NELL1: variants seen among roughly 807,000 people sequenced by gnomAD.
NELL1 encodes protein kinase C-binding protein NELL1.
A neutral mutation model predicts 107.4 loss-of-function variants in NELL1; 76 were observed. The observed-to-expected ratio is 0.71, with a 90% confidence interval of 0.59 to 0.86. NELL1 has a LOEUF of 0.86. Among genes scored for constraint, NELL1 ranks in the 40% least tolerant of loss-of-function variants. The pLI, the probability that NELL1 is intolerant of heterozygous loss-of-function variation, is 0.00. For missense variants in NELL1, 1,024 were observed against 1,005.5 expected, an observed-to-expected ratio of 1.02 and a Z score of -0.25; for synonymous variants, 353 against 341.2, an observed-to-expected ratio of 1.03 and a Z score of -0.38.
intron 12 of NELL1, among the ~76,000 whole-genome samples, chr11:20,997,652 T>C (rs56759702): frequency 2.0e-5 from 3 of 152,198 alleles, no homozygotes; most frequent in Non-Finnish European, 4.4e-5. Context: ...TACAACTTTT[T>C]TGTGTGTGTA....
At chr11:21,331,224 T>C (rs545984789) in intron 14 of NELL1, among the ~76,000 whole-genome samples, 1 of 152,210 alleles carries the variant, frequency 6.6e-6, no homozygotes, top group Non-Finnish European at 1.5e-5. Context: ...CACCTCTTGT[T>C]GTCTGCTTTT....
At chr11:21,033,995 T>C (rs1853026965) in intron 12 of NELL1, among the ~76,000 whole-genome samples, 1 of 152,184 alleles carries the variant, frequency 6.6e-6, no homozygotes, top group Non-Finnish European at 1.5e-5. Flanking sequence ...TGATCAGTGA[T>C]GTTGAGCACT....
chr11:21,482,312 G>T (rs1854513090), intron 15 of NELL1, among the ~76,000 whole-genome samples: 1 of 151,998 alleles, frequency 6.6e-6, no homozygotes, highest in African/African-American at 2.4e-5. Context: ...AAAAGTTCTG[G>T]GTAGGAGTAT....
intron 14 of NELL1, among the ~76,000 whole-genome samples, chr11:21,259,540 T>C (rs1031624062): frequency 6.6e-6 from 1 of 151,246 alleles, no homozygotes; most frequent in African/African-American, 2.4e-5. Flanking sequence ...ATGAAAAGAG[T>C]TCCAAGAAGA....
At chr11:21,406,372 T>A (rs941787076) in intron 15 of NELL1, among the ~76,000 whole-genome samples, 2 of 151,182 alleles carry the variant, frequency 1.3e-5, no homozygotes, top group African/African-American at 4.9e-5. Context: ...TTATCCCCAA[T>A]TGAGGGATTG....
intron 15 of NELL1, among the ~76,000 whole-genome samples, chr11:21,388,099 T>TA (rs1851788528): frequency 6.6e-6 from 1 of 151,388 alleles, no homozygotes; most frequent in Non-Finnish European, 1.5e-5. Context: ...TTTTCTGGTA[T>TA]GCCATACTGC....
intron 14 of NELL1, among the ~76,000 whole-genome samples, chr11:21,255,752 A>G (rs1002094569): frequency 2.0e-5 from 3 of 151,926 alleles, no homozygotes; most frequent in African/African-American, 7.3e-5. Flanking sequence ...GACATACCCA[A>G]TTCATTCAGG....
intron 15 of NELL1, among the ~76,000 whole-genome samples, chr11:21,445,046 A>G (rs572320495): frequency 6.6e-6 from 1 of 152,354 alleles, no homozygotes; most frequent in African/African-American, 2.4e-5. Flanking sequence ...AAGCAAAAAT[A>G]AAACTAATAA....
intron 2 of NELL1, among the ~76,000 whole-genome samples, chr11:20,731,700 T>G (rs1855648327): frequency 6.6e-6 from 1 of 152,232 alleles, no homozygotes; most frequent in African/African-American, 2.4e-5. Flanking sequence ...CACATCAGTT[T>G]TCTTATCTGT....
intron 15 of NELL1, among the ~76,000 whole-genome samples, chr11:21,470,140 C>A (rs1030089056): frequency 6.6e-6 from 1 of 151,944 alleles, no homozygotes; most frequent in South Asian, 2.1e-4. Context: ...TAGGTATTCT[C>A]AAAGAATTGA....
intron 13 of NELL1, among the ~76,000 whole-genome samples, chr11:21,156,952 A>AT (rs1856252149): frequency 6.6e-6 from 1 of 150,856 alleles, no homozygotes; most frequent in Non-Finnish European, 1.5e-5. Context: ...AAAAAAAAAA[A>AT]TTAGCCAGAT....
intron 15 of NELL1, among the ~76,000 whole-genome samples, chr11:21,530,972 A>C (rs1222813920): frequency 6.6e-6 from 1 of 152,134 alleles, no homozygotes; most frequent in Non-Finnish European, 1.5e-5. Flanking sequence ...TATCCCTAGC[A>C]AGGTAAACCT....
intron 15 of NELL1, among the ~76,000 whole-genome samples, chr11:21,406,980 C>T (rs1852252319): frequency 6.6e-6 from 1 of 152,048 alleles, no homozygotes. Flanking sequence ...CCCTCCTATC[C>T]TTCCTAGCCT....
intron 15 of NELL1, among the ~76,000 whole-genome samples, chr11:21,507,169 A>G (rs974948434): frequency 9.2e-5 from 14 of 152,180 alleles, no homozygotes; most frequent in Admixed American, 9.2e-4. Flanking sequence ...TCAAATCACA[A>G]TGCCTGAGAC....
intron 12 of NELL1, among the ~76,000 whole-genome samples, chr11:21,031,104 A>G (rs1565023766): frequency 2.6e-5 from 4 of 152,324 alleles, no homozygotes; most frequent in South Asian, 4.1e-4. Context: ...TTAATATTCT[A>G]TCATTAGCAT....
intron 14 of NELL1, among the ~76,000 whole-genome samples, chr11:21,369,991 G>C (rs899103891): frequency 2.0e-5 from 3 of 152,050 alleles, no homozygotes; most frequent in African/African-American, 7.2e-5. Context: ...AAACAATTAT[G>C]CTACTTATTC....
intron 5 of NELL1, among the ~76,000 whole-genome samples, chr11:20,888,624 A>T (rs1849557594): frequency 6.6e-6 from 1 of 152,190 alleles, no homozygotes; most frequent in Non-Finnish European, 1.5e-5. Flanking sequence ...CAATGAAATA[A>T]AAGTATATGT....
intron 12 of NELL1, among the ~76,000 whole-genome samples, chr11:21,000,203 C>T (rs1852185015): frequency 6.6e-6 from 1 of 151,794 alleles, no homozygotes; most frequent in Non-Finnish European, 1.5e-5. Flanking sequence ...CAGCACGGCA[C>T]ATGTATACAT....
intron 2 of NELL1, among the ~76,000 whole-genome samples, chr11:20,742,321 G>A (rs1008553646): frequency 6.6e-6 from 1 of 152,130 alleles, no homozygotes; most frequent in East Asian, 1.9e-4. Flanking sequence ...GTAGTAGGGG[G>A]AAACCAAGAG....
Sources: gnomAD v4.1 joint callset for allele counts (sites outside exome capture counted in the v4.1 genomes callset) on GRCh38, gnomAD v4.1.1 for gene constraint, MANE v1.5 for transcripts, NCBI Gene and HGNC (gene_info 2026-07-23, HGNC 2026-07-21) for gene names.